The following SYT1 variants were observed in gnomAD, a reference collection of about 807,000 sequenced individuals.
The protein encoded by SYT1 is synaptotagmin-1.
Under a neutral mutation model 44.8 loss-of-function variants are expected in SYT1, and 8 were observed. The observed-to-expected ratio is 0.18, with a 90% CI of 0.10 to 0.32. SYT1 has a LOEUF of 0.32. Among genes scored for constraint, SYT1 ranks in the 10% least tolerant of loss-of-function variants. The pLI, the probability that SYT1 is intolerant of heterozygous loss-of-function variation, is 1.00. For synonymous variants in SYT1, 154 were observed against 188.8 expected, an observed-to-expected ratio of 0.82 and a Z score of 1.51; for missense variants, 286 against 509.3, an observed-to-expected ratio of 0.56 and a Z score of 4.22.
chr12:79,315,127 A>G (rs1881020816), intron 8 of SYT1, among the ~76,000 whole-genome samples: 1 of 152,166 alleles, frequency 6.6e-6, no homozygotes, highest in Non-Finnish European at 1.5e-5. Context: ...AAATGGGTGA[A>G]TTTTATGGTA....
chr12:79,373,768 C>T (rs1212101870), intron 9 of SYT1, among the ~76,000 whole-genome samples: 2 of 151,992 alleles, frequency 1.3e-5, no homozygotes, highest in East Asian at 3.9e-4. Context: ...AAGCTTTTAG[C>T]CAGCTTCTCT....
At chr12:79,287,316 A>G (rs1408612807) in intron 5 of SYT1, among the ~76,000 whole-genome samples, 1 of 152,178 alleles carries the variant, frequency 6.6e-6, no homozygotes, top group Non-Finnish European at 1.5e-5. Flanking sequence ...ACAAAAGCCA[A>G]TGCATAAACG....
At chr12:79,150,599 C>T (rs1018741250) in intron 3 of SYT1, among the ~76,000 whole-genome samples, 8 of 152,062 alleles carry the variant, frequency 5.3e-5, no homozygotes, top group African/African-American at 1.9e-4. Flanking sequence ...GGGCACTGAA[C>T]TGTCATAAAA....
intron 1 of SYT1, among the ~76,000 whole-genome samples, chr12:78,885,491 G>C (rs1230372786): frequency 6.6e-6 from 1 of 151,868 alleles, no homozygotes; most frequent in Non-Finnish European, 1.5e-5. Flanking sequence ...AGAGTAGAGA[G>C]TGCCAAGTTG....
intron 9 of SYT1, among the ~76,000 whole-genome samples, chr12:79,354,914 CCTGT>C (rs1409332837): frequency 6.6e-6 from 1 of 152,146 alleles, no homozygotes; most frequent in Non-Finnish European, 1.5e-5. Context: ...TTCTTTGTAT[CCTGT>C]CTCTTATGCT....
At chr12:79,026,231 C>T (rs975897922) in intron 2 of SYT1, among the ~76,000 whole-genome samples, 1 of 151,548 alleles carries the variant, frequency 6.6e-6, no homozygotes, top group Non-Finnish European at 1.5e-5. Context: ...ACTTTATTAA[C>T]TTGTTGGGCA....
chr12:79,387,096 T>G (rs528521503), intron 9 of SYT1, among the ~76,000 whole-genome samples: 6 of 152,350 alleles, frequency 3.9e-5, no homozygotes, highest in African/African-American at 1.4e-4. Flanking sequence ...TATCTTAACC[T>G]GATTTTATCC....
intron 4 of SYT1, among the ~76,000 whole-genome samples, chr12:79,244,480 A>G (rs1876701721): frequency 1.3e-5 from 2 of 151,892 alleles, no homozygotes; most frequent in Admixed American, 1.3e-4. Context: ...CCAAGGTGGG[A>G]GGATCACTTG....
intron 9 of SYT1, among the ~76,000 whole-genome samples, chr12:79,384,052 G>A (rs1265318915): frequency 1.3e-5 from 2 of 152,156 alleles, no homozygotes; most frequent in Admixed American, 6.5e-5. Context: ...AGAGTAGGCT[G>A]AGAGGTGATC....
intron 1 of SYT1, among the ~76,000 whole-genome samples, chr12:78,895,406 ATTTG>A (rs977463740): frequency 1.3e-4 from 20 of 151,872 alleles, no homozygotes; most frequent in Admixed American, 1.3e-3. Context: ...AAGACTAAGC[ATTTG>A]TTTGCCTCCC....
At chr12:79,247,358 G>C (rs1348151700) in intron 4 of SYT1, among the ~76,000 whole-genome samples, 1 of 152,094 alleles carries the variant, frequency 6.6e-6, no homozygotes, top group Non-Finnish European at 1.5e-5. Flanking sequence ...TCATGAGGCA[G>C]GGAAGGCTTT....
intron 1 of SYT1, among the ~76,000 whole-genome samples, chr12:78,946,247 A>G (rs1878648649): frequency 6.6e-6 from 1 of 152,202 alleles, no homozygotes; most frequent in African/African-American, 2.4e-5. Flanking sequence ...CAAGAATTTG[A>G]GGGGCATCTG....
At chr12:79,430,460 T>A (rs1436668818) in intron 9 of SYT1, among the ~76,000 whole-genome samples, 1 of 152,248 alleles carries the variant, frequency 6.6e-6, no homozygotes, top group African/African-American at 2.4e-5. Flanking sequence ...TGCTGTTTTC[T>A]GTATGCCTTC....
Position 79,272,194 on chromosome 12 carries a change from A to C in SYT1, c.167-13593A>C, listed in dbSNP as rs142125787. 7.6e-3 allele frequency among the ~76,000 whole-genome samples: 1,157 copies of C among 152,344 alleles called. 12 individuals carry two copies. The highest frequency in any genetic ancestry group is 0.026 in the African/African-American group (1,072 of 41,580). On this transcript the variant is annotated intron_variant, in intron 4 of 10. Coordinates refer to ENST00000261205, the MANE Select transcript of SYT1 (RefSeq NM_005639.3). ...GAATTGAGCAGGGAACAACTTACCCAGTCTGATGAGAATAGAGGTGAGTGT... is the reference window on the plus strand; with the variant it reads ...GAATTGAGCAGGGAACAACTTACCCCGTCTGATGAGAATAGAGGTGAGTGT...
chr12:78,882,681 CG>C, intron 1 of SYT1, among the ~76,000 whole-genome samples: 1 of 151,582 alleles, frequency 6.6e-6, no homozygotes, highest in East Asian at 2.0e-4. Context: ...AAAACTTAAA[CG>C]ATTTTAAAGA....
chr12:79,353,700 C>A, intron 9 of SYT1, 81 bp downstream of exon 9: 1 of 1,018,722 alleles, frequency 9.8e-7, no homozygotes. Context: ...TGCTGCGACT[C>A]CCCACTTCTT....
At chr12:79,429,964 C>T (rs1869681856) in intron 9 of SYT1, among the ~76,000 whole-genome samples, 1 of 152,072 alleles carries the variant, frequency 6.6e-6, no homozygotes, top group Non-Finnish European at 1.5e-5. Context: ...AGGTTAATCA[C>T]GAATTTCCAT....
chr12:79,073,698 G>T (rs562983429), intron 3 of SYT1, among the ~76,000 whole-genome samples: 2 of 152,186 alleles, frequency 1.3e-5, no homozygotes, highest in African/African-American at 4.8e-5. Context: ...GCAAATTTTT[G>T]CTTACCCTTG....
At chr12:78,929,446 A>AAAAAAAAAAAAAAAAAAAAAAAAAG (rs373264605) in intron 1 of SYT1, among the ~76,000 whole-genome samples, 6 of 128,502 alleles carry the variant, frequency 4.7e-5, no homozygotes, top group African/African-American at 2.3e-4. Context: ...AAAAAAAAAA[A>AAAAAAAAAAAAAAAAAAAAAAAAAG]GGTTATTAGC....
Sources: gnomAD v4.1 joint callset for allele counts (sites outside exome capture counted in the v4.1 genomes callset) on GRCh38, gnomAD v4.1.1 for gene constraint, MANE v1.5 for transcripts, NCBI Gene and HGNC (gene_info 2026-07-23, HGNC 2026-07-21) for gene names.